Variants in EBLN2 observed in about 807,000 individuals in gnomAD.
The protein encoded by EBLN2 is endogenous Bornavirus-like nucleoprotein 2.
For missense variants in EBLN2, 397 were observed against 324.2 expected, an observed-to-expected ratio of 1.22 and a Z score of -1.72; for synonymous variants, 131 against 113.6, an observed-to-expected ratio of 1.15 and a Z score of -0.97.
At position 73,062,832 on chromosome 3, in the gene EBLN2, G is replaced by A. The variant is rs1400078933; in HGVS notation, c.751G>A (p.Glu251Lys). ...GATCAGCTCAAGACCATGGGTTGGA[G>A]AATTAATGTTCACACTTCTATTTGG... is the stretch of plus-strand genomic sequence containing the variant. ...GWISSRPWVG[E>K]LMFTLLFGDF... Residue 251 changes from glutamate (E) to lysine (K), a missense_variant, in exon 1 of 1, where the codon GAA becomes AAA. Transcript: ENST00000533473. 1 of 1,613,874 alleles carries A rather than the reference G, an allele frequency of 6.2e-7. No homozygotes were observed. Among genetic ancestry groups the A allele is most frequent in the Non-Finnish European group, 8.5e-7 (1 of 1,179,842 alleles).
In EBLN2 at chr3:73,062,419, C is replaced by T; in HGVS notation, c.338C>T (p.Pro113Leu). ...IKKAAKSMLD[P>L]AHKSHFHPVT... is the part of the protein sequence containing the mutation. ...AAAGCAGCCAAGTCTATGCTAGACC[C>T]AGCACATAAATCTCATTTCCACCCT... Residue 113 changes from proline (P) to leucine (L), a missense_variant, in exon 1 of 1, where the codon CCA becomes CTA. Transcript: ENST00000533473. 8 of 1,611,252 alleles carry T rather than the reference C, an allele frequency of 5.0e-6. No individual in the cohort carries two copies. The highest frequency in any genetic ancestry group is 6.8e-6 in the Non-Finnish European group (8 of 1,178,926).
chr3:73,061,865 G>C lies in EBLN2; in HGVS notation c.-217G>C. ...GATGTGAACCACCACACCCAGCCCA[G>C]TCAATTTGTTTTTAGAATGTTCCCA... is the stretch of plus-strand genomic sequence containing the variant. On this transcript the variant is annotated 5_prime_UTR_variant, in exon 1 of 1. Transcript: ENST00000533473. The C allele has an allele frequency of 2.1e-6, 1 of 470,076 alleles. No individual in the cohort carries two copies. The highest frequency in any genetic ancestry group is 3.8e-6 in the Non-Finnish European group (1 of 261,152). The allele number at this position is 470,076 out of a possible 1,614,324, so 29.1% of individuals were successfully genotyped here.
chr3:73,062,289 C>A lies in EBLN2; in HGVS notation c.208C>A (p.Leu70Ile), dbSNP rs370588670. 10 of 1,607,654 alleles carry A rather than the reference C, an allele frequency of 6.2e-6. No individual in the cohort carries two copies. Among genetic ancestry groups the A allele is most frequent in the Non-Finnish European group, 8.5e-7 (1 of 1,177,964 alleles). Residue 70 changes from leucine (L) to isoleucine (I), a missense_variant, in exon 1 of 1, where the codon CTC becomes ATC. Coordinates refer to ENST00000533473, the MANE Select transcript of EBLN2 (RefSeq NM_018029.4). ...AGATGACGCAATGGACAGGAGTGGG[C>A]TCCCTGACCTTCAAGGAAGATTTGA... Reference protein sequence around the residue: ...PGDDAMDRSGLPDLQGRFELS... With the variant: ...PGDDAMDRSGIPDLQGRFELS...
the EBLN2 span, chr3:73,062,361 C>T: frequency 2.5e-6 from 4 of 1,606,506 alleles, no homozygotes; most frequent in Non-Finnish European, 3.4e-6. Context: ...ATTGGAACCC[C>T]AACCCAGCAT....
At chr3:73,062,328 AACAG>A in the EBLN2 span, 2 of 1,604,548 alleles carry the variant, frequency 1.2e-6, no homozygotes, top group African/African-American at 1.4e-5. Context: ...ATCTGGGAAA[AACAG>A]ACAGTATCCA....
chr3:73,061,824 A>G lies in EBLN2; in HGVS notation c.-258A>G, dbSNP rs892388020. The G allele has an allele frequency of 2.6e-6, 1 of 381,972 alleles. No homozygotes were observed. Among genetic ancestry groups the G allele is most frequent in the Non-Finnish European group, 4.8e-6 (1 of 210,100 alleles). 23.7% of individuals were successfully genotyped at this position (381,972 alleles called of 1,614,324 possible). The stretch of plus-strand genomic sequence containing the variant: ...GTGATCCTCCCGCCTTGGCCTTCCA[A>G]AGTGCTGAGATTACAGATGTGAACC... On this transcript the variant is annotated 5_prime_UTR_variant, in exon 1 of 1. Coordinates refer to ENST00000533473, the MANE Select transcript of EBLN2 (RefSeq NM_018029.4).
Position 73,062,298 on chromosome 3 carries a change from C to T in EBLN2, c.217C>T (p.Leu73Phe). ...DAMDRSGLPD[L>F]QGRFELSGKN... Reference sequence around the variant, plus strand: ...AATGGACAGGAGTGGGCTCCCTGACCTTCAAGGAAGATTTGAGCTATCTGG... The same window carrying T: ...AATGGACAGGAGTGGGCTCCCTGACTTTCAAGGAAGATTTGAGCTATCTGG... Residue 73 changes from leucine (L) to phenylalanine (F), a missense_variant, in exon 1 of 1, where the codon CTT (leucine) becomes TTT (phenylalanine). Physicochemically the swap from Leu to Phe is conservative, Grantham distance 22. Coordinates refer to ENST00000533473, the MANE Select transcript of EBLN2 (RefSeq NM_018029.4). 6.2e-7 allele frequency: 1 copy of T among 1,607,724 alleles called. No homozygotes were observed. The highest frequency in any genetic ancestry group is 8.5e-7 in the Non-Finnish European group (1 of 1,178,082).
At position 73,061,746 on chromosome 3, in the gene EBLN2, C is replaced by T. The variant is rs2231919; in HGVS notation, c.-336C>T. ...TGCTTTCATAGACTACTCTGTTACC[C>T]AGGCTGGAGTGCGGTGATGAGTGAT... On this transcript the variant is annotated 5_prime_UTR_variant, in exon 1 of 1. Coordinates refer to ENST00000533473, the MANE Select transcript of EBLN2 (RefSeq NM_018029.4). 757 of 233,640 alleles carry T rather than the reference C, an allele frequency of 3.2e-3. 8 individuals carry two copies. Among genetic ancestry groups the T allele is most frequent in the African/African-American group, 0.017 (705 of 42,462 alleles). The allele number at this position is 233,640 out of a possible 1,614,324, so 14.5% of individuals were successfully genotyped here.
exon 1 of EBLN2, chr3:73,063,318 T>TAAA (rs534798966): frequency 7.7e-4 from 71 of 92,120 alleles, no homozygotes; most frequent in African/African-American, 1.2e-3. Flanking sequence ...TCTCATTATT[T>TAAA]AAAAAAAAAA....
chr3:73,062,760 A>G lies in EBLN2; in HGVS notation c.679A>G (p.Ser227Gly), dbSNP rs1168949918. The change falls in exon 1 of 1, where the codon AGT becomes GGT. Residue 227 changes from serine to glycine, a missense_variant. Coordinates refer to ENST00000533473, the MANE Select transcript of EBLN2 (RefSeq NM_018029.4). ...TATTGGAAGACTTTCACATGGTGAG[A>G]GTGCTGATCTGCTAATCAGCTGCAA... Reference protein sequence around the residue: ...ASIGRLSHGESADLLISCNAE... With the variant: ...ASIGRLSHGEGADLLISCNAE... The G allele has an allele frequency of 5.6e-6, 9 of 1,613,896 alleles. No homozygotes were observed. The highest frequency in any genetic ancestry group is 6.8e-6 in the Non-Finnish European group (8 of 1,179,898).
chr3:73,062,543 G>C lies in EBLN2; in HGVS notation c.462G>C (p.Gly154=), dbSNP rs1559569989. Residue 154 remains glycine, a synonymous_variant, in exon 1 of 1, where the codon GGG becomes GGC. Coordinates refer to ENST00000533473, the MANE Select transcript of EBLN2 (RefSeq NM_018029.4). ...GVSKRSNTVV[G]NENEERGTPY... ...GCAAGAGGTCTAATACTGTGGTTGG[G>C]AATGAGAACGAGGAAAGGGGTACTC... The C allele has an allele frequency of 6.2e-7, 1 of 1,613,968 alleles. No individual in the cohort carries two copies. The highest frequency in any genetic ancestry group is 1.1e-5 in the South Asian group (1 of 91,078).
rs1702893579 is a variant in EBLN2 at position 73,062,718 on chromosome 3, A to C, written c.637A>C (p.Lys213Gln). 2 of 1,613,894 alleles carry C rather than the reference A, an allele frequency of 1.2e-6. No homozygotes were observed. The highest frequency in any genetic ancestry group is 1.6e-4 in the Middle Eastern group (1 of 6,084). The change falls in exon 1 of 1, where the codon AAG becomes CAG. Residue 213 changes from lysine to glutamine, a missense_variant. By Grantham distance (53) the Lys-to-Gln change is moderately conservative. Transcript: ENST00000533473. ...CAGTCTCCAAGTTCAGAGACGATTCAAGGCAATGATGGCATCTATTGGAAG... is the reference window on the plus strand; with the variant it reads ...CAGTCTCCAAGTTCAGAGACGATTCCAGGCAATGATGGCATCTATTGGAAG... The part of the protein sequence containing the change: ...TSSLQVQRRF[K>Q]AMMASIGRLS...
At position 73,063,318 on chromosome 3, in the gene EBLN2, T is replaced by TTA. The variant is rs1553652005; in HGVS notation, c.*418_*419insTA. ...CTAACATGAACTAATTCTCATTATT[T>TTA]AAAAAAAAAAAAAAAAAAAAAAGTC... On this transcript the variant is annotated 3_prime_UTR_variant, in exon 1 of 1. Transcript: ENST00000533473. The TTA allele has an allele frequency of 2.2e-5, 2 of 91,632 alleles. No individual in the cohort carries two copies. Among genetic ancestry groups the TTA allele is most frequent in the African/African-American group, 1.2e-4 (2 of 17,250 alleles). The allele number at this position is 91,632 out of a possible 1,614,324, so 5.7% of individuals were successfully genotyped here.
chr3:73,062,079 A>G lies in EBLN2; in HGVS notation c.-3A>G, dbSNP rs1702871798. ...GTGCAGAGTCAAGTCATAGCGACTA[A>G]TAATGGGTTATTTTCTTAAATTGTA... is the stretch of plus-strand genomic sequence containing the variant. On this transcript the variant is annotated 5_prime_UTR_variant, in exon 1 of 1. Transcript: ENST00000533473. 6.5e-7 allele frequency: 1 copy of G among 1,533,252 alleles called. No individual in the cohort carries two copies. The highest frequency in any genetic ancestry group is 1.4e-5 in the African/African-American group (1 of 71,928). The allele number at this position is 1,533,252 out of a possible 1,614,324, so 95.0% of individuals were successfully genotyped here.
chr3:73,062,469 T>A lies in EBLN2; in HGVS notation c.388T>A (p.Cys130Ser), dbSNP rs1027871512. ...HPVTPSLVFL[C>S]FIFDGLHQAL... ...TGTGACCCCAAGTTTAGTATTCTTG[T>A]GTTTCATATTTGATGGGTTACACCA... Residue 130 changes from cysteine to serine, a missense_variant, in exon 1 of 1, where the codon TGT becomes AGT. Physicochemically the swap from Cys to Ser is moderately radical, Grantham distance 112 (BLOSUM62 -1). Coordinates refer to ENST00000533473, the MANE Select transcript of EBLN2 (RefSeq NM_018029.4). 1 of 1,612,870 alleles carries A rather than the reference T, an allele frequency of 6.2e-7. No individual in the cohort carries two copies. The highest frequency in any genetic ancestry group is 1.3e-5 in the African/African-American group (1 of 74,908).
In EBLN2 at chr3:73,063,140, A is replaced by G; in HGVS notation, c.*240A>G. ...CCAAACTTAGCAACAGCGGCAAACT[A>G]CTGGGCCAAGATGAGCAACCCCACA... is the stretch of plus-strand genomic sequence containing the variant. On this transcript the variant is annotated 3_prime_UTR_variant, in exon 1 of 1. Coordinates refer to ENST00000533473, the MANE Select transcript of EBLN2 (RefSeq NM_018029.4). 6.0e-6 allele frequency: 3 copies of G among 503,612 alleles called. No homozygotes were observed. In the South Asian group the frequency reaches 7.6e-5, roughly 13 times the overall value. 31.2% of individuals were successfully genotyped at this position (503,612 alleles called of 1,614,324 possible).
chr3:73,062,970 T>A lies in EBLN2; in HGVS notation c.*70T>A. 3 of 1,326,802 alleles carry A rather than the reference T, an allele frequency of 2.3e-6. No individual in the cohort carries two copies. Among genetic ancestry groups the A allele is most frequent in the Non-Finnish European group, 3.2e-6 (3 of 943,638 alleles). 82.2% of individuals were successfully genotyped at this position (1,326,802 alleles called of 1,614,324 possible). A position where few individuals can be genotyped will look rare whatever the true frequency, so the allele number is the denominator to read the frequency against. ...GTTTCTAGATCAGTGCATGGATGGC[T>A]CCATTGCTCTACGGGCCATTGTGTC... On this transcript the variant is annotated 3_prime_UTR_variant, in exon 1 of 1. Coordinates refer to ENST00000533473, the MANE Select transcript of EBLN2 (RefSeq NM_018029.4).
rs1032133335 is a variant in EBLN2, at chr3:73,061,951, G to A, written c.-131G>A. Reference sequence around the variant, plus strand: ...TAATCCCATACTATATTTCTTGACAGAAAAACTATTAAAATGTATACATGA... The same window carrying A: ...TAATCCCATACTATATTTCTTGACAAAAAAACTATTAAAATGTATACATGA... On this transcript the variant is annotated 5_prime_UTR_variant, in exon 1 of 1. Coordinates refer to ENST00000533473, the MANE Select transcript of EBLN2 (RefSeq NM_018029.4). The A allele has an allele frequency of 1.6e-6, 1 of 636,306 alleles. No individual in the cohort carries two copies. The highest frequency in any genetic ancestry group is 1.9e-5 in the African/African-American group (1 of 52,552). 39.4% of individuals were successfully genotyped at this position (636,306 alleles called of 1,614,324 possible). A position where few individuals can be genotyped will look rare whatever the true frequency, so the allele number is the denominator to read the frequency against.
rs1328245332 is a variant in EBLN2 at position 73,062,828 on chromosome 3, T to A, written c.747T>A (p.Val249=). 1 of 1,613,800 alleles carries A rather than the reference T, an allele frequency of 6.2e-7. No homozygotes were observed. Among genetic ancestry groups the A allele is most frequent in the Non-Finnish European group, 8.5e-7 (1 of 1,179,866 alleles). Residue 249 remains valine (V), a synonymous_variant, in exon 1 of 1, where the codon GTT becomes GTA. Transcript: ENST00000533473. ...AIGWISSRPW[V]GELMFTLLFG... ...GTTGGATCAGCTCAAGACCATGGGT[T>A]GGAGAATTAATGTTCACACTTCTAT... is the stretch of plus-strand genomic sequence containing the variant.
Sources: gnomAD v4.1 joint callset for allele counts on GRCh38, gnomAD v4.1.1 for gene constraint, MANE v1.5 for transcripts, NCBI Gene and HGNC (gene_info 2026-07-23, HGNC 2026-07-21) for gene names.